The following PCNX1 variants were observed in gnomAD, a reference collection of about 807,000 sequenced individuals.
PCNX1 encodes pecanex 1.
Under a neutral mutation model 242.2 loss-of-function variants are expected in PCNX1, and 78 were observed. The observed-to-expected ratio is 0.32, with a 90% CI of 0.27 to 0.39. The LOEUF (loss-of-function observed/expected upper bound fraction) is 0.39, where lower values mean the gene tolerates loss of function less well. Ranked by LOEUF, PCNX1 falls within the 10% of genes least tolerant of loss-of-function variation. The probability of loss-of-function intolerance (pLI) is 1.00; values close to 1 mark genes in which losing one functional copy is unlikely to be tolerated. For missense variants in PCNX1, 2,581 were observed against 2,856.5 expected (o/e 0.90, Z 2.20); for synonymous variants, 1,024 against 1,032.9 (o/e 0.99, Z 0.17).
intron 28 of PCNX1, among the ~76,000 whole-genome samples, chr14:71,081,946 G>A (rs887120007): frequency 1.3e-5 from 2 of 152,132 alleles, no homozygotes; most frequent in African/African-American, 4.8e-5. Context: ...TAATTGCGAT[G>A]TTAGGGTGTT....
chr14:71,028,199 C>T (rs1250403156), intron 15 of PCNX1, among the ~76,000 whole-genome samples: 14 of 151,708 alleles, frequency 9.2e-5, no homozygotes, highest in Admixed American at 9.2e-4. Flanking sequence ...GTTATTAGAT[C>T]TAAAGTATCT....
At chr14:71,100,561 G>C (rs761145424) in intron 30 of PCNX1, among the ~76,000 whole-genome samples, 17 of 152,118 alleles carry the variant, frequency 1.1e-4, no homozygotes, top group Non-Finnish European at 2.2e-4. Context: ...CCTGGTGACT[G>C]TATGCCTGGT....
In PCNX1 at chr14:71,009,654, T is replaced by C; in HGVS notation, c.2650T>C (p.Tyr884His). The C allele has an allele frequency of 6.2e-7, 1 of 1,601,628 alleles. No homozygotes were observed. Among genetic ancestry groups the C allele is most frequent in the Non-Finnish European group, 8.5e-7 (1 of 1,170,582 alleles). Reference sequence around the variant, plus strand: ...GCTAGGTAAGTTCTCTTCTACGCTGTATGAGACTGGTGGCTGTGATATGTC... The same window carrying C: ...GCTAGGTAAGTTCTCTTCTACGCTGCATGAGACTGGTGGCTGTGATATGTC... ...DELGKFSSTL[Y>H]ETGGCDMSLV... is the part of the protein sequence containing the mutation. The change falls in exon 9 of 36, where the codon TAT becomes CAT. Residue 884 changes from tyrosine (Y) to histidine (H), a missense_variant. By Grantham distance (83) the Tyr-to-His change is moderately conservative. Coordinates refer to ENST00000304743, the MANE Select transcript of PCNX1 (RefSeq NM_014982.3).
At position 70,977,385 on chromosome 14, in the gene PCNX1, T is replaced by G; in HGVS notation, c.1048T>G (p.Ser350Ala). The change falls in exon 6 of 36, where the codon TCT becomes GCT. Residue 350 changes from serine (S) to alanine (A), a missense_variant. Ser to Ala is a moderately conservative substitution (Grantham distance 99). This residue lies in a region of PCNX1 where 1,204 missense variants were observed against 1,216.7 expected (regional missense o/e 0.99). Transcript: ENST00000304743. Reference protein sequence around the residue: ...QLAGDLKINTSQPPTKSGKSK... With the variant: ...QLAGDLKINTAQPPTKSGKSK... ...TGCTGGTGACTTGAAAATCAATACT[T>G]CTCAGCCACCCACAAAAAGTGGGAA... is the stretch of plus-strand genomic sequence containing the variant. 6.2e-7 allele frequency: 1 copy of G among 1,614,096 alleles called. No individual in the cohort carries two copies. Among genetic ancestry groups the G allele is most frequent in the Non-Finnish European group, 8.5e-7 (1 of 1,180,030 alleles).
chr14:70,949,305 A>G (rs965614346), intron 2 of PCNX1, among the ~76,000 whole-genome samples: 2 of 124,886 alleles, frequency 1.6e-5, no homozygotes, highest in East Asian at 3.4e-4. Flanking sequence ...GTACACACAT[A>G]TGTGTGTAGA....
intron 26 of PCNX1, among the ~76,000 whole-genome samples, chr14:71,063,698 C>T (rs547662165): frequency 6.6e-6 from 1 of 152,174 alleles, no homozygotes; most frequent in Non-Finnish European, 1.5e-5. Context: ...ATCTACTTTC[C>T]AAGACAGACT....
chr14:71,035,190 C>G (rs1158359852), intron 18 of PCNX1, among the ~76,000 whole-genome samples: 1 of 152,068 alleles, frequency 6.6e-6, no homozygotes, highest in Non-Finnish European at 1.5e-5. Context: ...ACACTGCACT[C>G]CAGCCTGGGC....
At chr14:70,960,409 G>T (rs1014471834) in intron 2 of PCNX1, among the ~76,000 whole-genome samples, 2 of 152,072 alleles carry the variant, frequency 1.3e-5, no homozygotes, top group Non-Finnish European at 2.9e-5. Flanking sequence ...ATTATCTCAA[G>T]ATGCAGAAAA....
At chr14:71,057,294 A>G (rs188207179) in intron 25 of PCNX1, among the ~76,000 whole-genome samples, 87 of 152,346 alleles carry the variant, frequency 5.7e-4, no homozygotes, top group Admixed American at 1.8e-3. Flanking sequence ...TGAGAACCAT[A>G]GATTCCGGGA....
chr14:70,961,363 A>G (rs902224505), intron 2 of PCNX1, among the ~76,000 whole-genome samples: 1 of 152,200 alleles, frequency 6.6e-6, no homozygotes, highest in Admixed American at 6.5e-5. Context: ...ATAACGCCGC[A>G]TATCTATAAC....
At chr14:71,074,990 C>CTTT (rs900279128) in intron 27 of PCNX1, among the ~76,000 whole-genome samples, 62 of 101,100 alleles carry the variant, frequency 6.1e-4, no homozygotes, top group South Asian at 1.6e-3. Context: ...CTTTTCTTCT[C>CTTT]TTTTTTTTTT....
At chr14:70,928,027 CTTAA>C (rs1370892405) in intron 1 of PCNX1, among the ~76,000 whole-genome samples, 3 of 151,898 alleles carry the variant, frequency 2.0e-5, no homozygotes, top group East Asian at 1.9e-4. Context: ...TTTATTTTTA[CTTAA>C]TTCTCATAGT....
chr14:70,978,145 G>C lies in PCNX1; in HGVS notation c.1808G>C (p.Ser603Thr), dbSNP rs374933370. The C allele has an allele frequency of 1.2e-6, 2 of 1,614,032 alleles. No individual in the cohort carries two copies. Among genetic ancestry groups the C allele is most frequent in the Admixed American group, 3.3e-5 (2 of 60,000 alleles). The change falls in exon 6 of 36, where the codon AGT (serine) becomes ACT (threonine). Residue 603 changes from serine (S) to threonine (T), a missense_variant. Ser to Thr is a moderately conservative substitution (Grantham distance 58). Coordinates refer to ENST00000304743, the MANE Select transcript of PCNX1 (RefSeq NM_014982.3). ...ATATTTTGTCATGACGAAGACTCTA[G>C]TGATCAGAGTGACTTGAGTAGAGCA... ...SAIFCHDEDS[S>T]DQSDLSRASS...
intron 26 of PCNX1, among the ~76,000 whole-genome samples, chr14:71,059,149 A>G (rs567743761): frequency 6.6e-6 from 1 of 152,246 alleles, no homozygotes; most frequent in Non-Finnish European, 1.5e-5. Context: ...GGTTCTTCTT[A>G]CCATCTGCTC....
At chr14:71,073,306 C>CA (rs768990112) in intron 26 of PCNX1, among the ~76,000 whole-genome samples, 1 of 151,956 alleles carries the variant, frequency 6.6e-6, no homozygotes, top group Non-Finnish European at 1.5e-5. Flanking sequence ...TCAAAACAAA[C>CA]AAAAAAAGCG....
At chr14:70,981,706 A>G (rs1451566910) in intron 6 of PCNX1, among the ~76,000 whole-genome samples, 3 of 152,196 alleles carry the variant, frequency 2.0e-5, no homozygotes, top group Non-Finnish European at 4.4e-5. Context: ...CTAATATTTT[A>G]AGAAATGAAA....
intron 5 of PCNX1, among the ~76,000 whole-genome samples, chr14:70,973,020 G>A (rs568507615): frequency 2.0e-5 from 3 of 152,300 alleles, no homozygotes; most frequent in African/African-American, 7.2e-5. Context: ...GAGAGGCCAA[G>A]GTGGGAGTAT....
At chr14:70,963,544 T>A (rs1353276468) in intron 3 of PCNX1, among the ~76,000 whole-genome samples, 3 of 152,206 alleles carry the variant, frequency 2.0e-5, no homozygotes, top group Non-Finnish European at 4.4e-5. Flanking sequence ...AGAACAATGT[T>A]ATGAAAAACA....
chr14:71,103,423 G>C lies in PCNX1; in HGVS notation c.5849G>C (p.Trp1950Ser). The stretch of plus-strand genomic sequence containing the variant: ...AATAAGGAATGTGTCCGAGGTCTTT[G>C]GGCAGGGCAACAGCAGGAGCTTGTT... Reference protein sequence around the residue: ...KVNKECVRGLWAGQQQELVFL... With the variant: ...KVNKECVRGLSAGQQQELVFL... The change falls in exon 32 of 36, where the codon TGG (tryptophan) becomes TCG (serine). Residue 1950 changes from tryptophan (W) to serine (S), a missense_variant. Coordinates refer to ENST00000304743, the MANE Select transcript of PCNX1 (RefSeq NM_014982.3). The C allele has an allele frequency of 6.2e-7, 1 of 1,614,110 alleles. No homozygotes were observed. Among genetic ancestry groups the C allele is most frequent in the East Asian group, 2.2e-5 (1 of 44,886 alleles).
Sources: gnomAD v4.1 joint callset for allele counts (sites outside exome capture counted in the v4.1 genomes callset) on GRCh38, gnomAD v4.1.1 for gene constraint, gnomAD v4.1.1 regional missense constraint, MANE v1.5 for transcripts, NCBI Gene and HGNC (gene_info 2026-07-23, HGNC 2026-07-21) for gene names.